Variants in SOX9 observed in about 807,000 individuals in gnomAD.
SOX9 encodes the protein SRY-box transcription factor 9.
Under a neutral mutation model 44.8 loss-of-function variants are expected in SOX9, and 2 were observed. The observed-to-expected ratio is 0.04, with a 90% CI of 0.02 to 0.14. The LOEUF is 0.14. Among genes scored for constraint, SOX9 ranks in the 10% least tolerant of loss-of-function variants. The pLI is 1.00. For synonymous variants in SOX9, 381 were observed against 331.8 expected (o/e 1.15, Z -1.61); for missense variants, 583 against 728.6 (o/e 0.80, Z 2.30).
chr17:72,126,155 T>C lies in SOX9; in HGVS notation c.*1768T>C. On this transcript the variant is annotated 3_prime_UTR_variant, in exon 3 of 3. Transcript: ENST00000245479. Reference sequence around the variant, plus strand: ...TCAGTAGAATAAAATCTTAAAGCACTCATAATATGGCATCCTTCAATTTCT... The same window carrying C: ...TCAGTAGAATAAAATCTTAAAGCACCCATAATATGGCATCCTTCAATTTCT... 4.3e-6 allele frequency: 1 copy of C among 232,518 alleles called. No homozygotes were observed. 14.4% of individuals were successfully genotyped at this position (232,518 alleles called of 1,614,324 possible).
In SOX9 at chr17:72,121,379, C is replaced by G; in HGVS notation, c.-13C>G. 1 of 1,611,606 alleles carries G rather than the reference C, an allele frequency of 6.2e-7. No individual in the cohort carries two copies. Among genetic ancestry groups the G allele is most frequent in the Non-Finnish European group, 8.5e-7 (1 of 1,179,318 alleles). ...CCTTTCCCGGCCACCAGCCCCCTGCCCCGGGCCCGCGTATGAATCTCCTGG... is the reference window on the plus strand; with the variant it reads ...CCTTTCCCGGCCACCAGCCCCCTGCGCCGGGCCCGCGTATGAATCTCCTGG... On this transcript the variant is annotated 5_prime_UTR_variant, in exon 1 of 3. Coordinates refer to ENST00000245479, the MANE Select transcript of SOX9 (RefSeq NM_000346.4). The surrounding 1 kb of genome is among the most constrained non-coding windows in gnomAD (Gnocchi z 8.3).
rs1457776748 is a variant in SOX9 at position 72,122,848 on chromosome 17, G to A, written c.561G>A (p.Ala187=). The change falls in exon 2 of 3, where the codon GCG becomes GCA. Residue 187 remains alanine (A), a synonymous_variant. Coordinates refer to ENST00000245479, the MANE Select transcript of SOX9 (RefSeq NM_000346.4). The stretch of plus-strand genomic sequence containing the variant: ...GGAAGTCGGTGAAGAACGGGCAGGC[G>A]GAGGCAGAGGAGGCCACGGAGCAGA... ...RRRKSVKNGQ[A]EAEEATEQTH... The A allele has an allele frequency of 6.2e-7, 1 of 1,614,034 alleles. No homozygotes were observed. Among genetic ancestry groups the A allele is most frequent in the Non-Finnish European group, 8.5e-7 (1 of 1,180,032 alleles).
At position 72,126,098 on chromosome 17, in the gene SOX9, T is replaced by C. The variant is rs1908276173; in HGVS notation, c.*1711T>C. 8.6e-6 allele frequency: 2 copies of C among 231,950 alleles called. No individual in the cohort carries two copies. Among genetic ancestry groups the C allele is most frequent in the African/African-American group, 4.4e-5 (2 of 45,236 alleles). 14.4% of individuals were successfully genotyped at this position (231,950 alleles called of 1,614,324 possible). A position where few individuals can be genotyped will look rare whatever the true frequency, so the allele number is the denominator to read the frequency against. On this transcript the variant is annotated 3_prime_UTR_variant, in exon 3 of 3. Transcript: ENST00000245479. ...AAAAGACAGCAAACTTTTTTTTTTA[T>C]TTAAAAAAAGATATATTAACAGTTT...
rs1239081611 is a variant in SOX9 at position 72,124,492 on chromosome 17, T to C, written c.*105T>C. 10 of 1,420,248 alleles carry C rather than the reference T, an allele frequency of 7.0e-6. No individual in the cohort carries two copies. Among genetic ancestry groups the C allele is most frequent in the Non-Finnish European group, 9.8e-6 (10 of 1,024,930 alleles). 88.0% of individuals were successfully genotyped at this position (1,420,248 alleles called of 1,614,324 possible). ...CTTTGGACATTTGTGTTTTTTTGTT[T>C]TTTTATTTTGTTTTGTTTTTTCTTC... On this transcript the variant is annotated 3_prime_UTR_variant, in exon 3 of 3. Transcript: ENST00000245479. The surrounding 1 kb of genome is among the most constrained non-coding windows in gnomAD (Gnocchi z 4.6).
rs1347071167 is a variant in SOX9 at position 72,123,766 on chromosome 17, C to T, written c.909C>T (p.His303=). Residue 303 remains histidine (H), a synonymous_variant, in exon 3 of 3, where the codon CAC becomes CAT. Coordinates refer to ENST00000245479, the MANE Select transcript of SOX9 (RefSeq NM_000346.4). This position sits in a 1 kb window ranked among gnomAD's most constrained non-coding sequence, Gnocchi z 6.5. ...ACCAGTACCTGCCGCCCAACGGCCA[C>T]CCGGGGGTGCCGGCCACGCACGGCC... ...EFDQYLPPNG[H]PGVPATHGQV... The T allele has an allele frequency of 6.2e-7, 1 of 1,613,394 alleles. No homozygotes were observed. Among genetic ancestry groups the T allele is most frequent in the Admixed American group, 1.7e-5 (1 of 60,026 alleles).
rs1250110377 is a variant in SOX9 at position 72,123,169 on chromosome 17, C to T, written c.685+197C>T. Among the ~76,000 whole-genome samples the T allele has an allele frequency of 1.3e-5, 2 of 152,210 alleles. No individual in the cohort carries two copies. Among genetic ancestry groups the T allele is most frequent in the Admixed American group, 1.3e-4 (2 of 15,284 alleles). On this transcript the variant is annotated intron_variant, in intron 2 of 2. Transcript: ENST00000245479. The surrounding 1 kb of genome is among the most constrained non-coding windows in gnomAD (Gnocchi z 6.5). ...CAACACACACACAAACACACACACCCCAACTCAATCCCAGCATCCGAAGAG... is the reference window on the plus strand; with the variant it reads ...CAACACACACACAAACACACACACCTCAACTCAATCCCAGCATCCGAAGAG...
At chr17:72,122,055 G>T (rs557393988) in intron 1 of SOX9, among the ~76,000 whole-genome samples, 1 of 152,234 alleles carries the variant, frequency 6.6e-6, no homozygotes, top group Admixed American at 6.5e-5. Context: ...AGAGGTGAGG[G>T]AGGTAGCTGG....
At position 72,121,242 on chromosome 17, in the gene SOX9, C is replaced by T; in HGVS notation, c.-150C>T. 1 of 707,926 alleles carries T rather than the reference C, an allele frequency of 1.4e-6. No individual in the cohort carries two copies. Among genetic ancestry groups the T allele is most frequent in the Non-Finnish European group, 2.4e-6 (1 of 421,558 alleles). The allele number at this position is 707,926 out of a possible 1,614,324, so 43.9% of individuals were successfully genotyped here. A position where few individuals can be genotyped will look rare whatever the true frequency, so the allele number is the denominator to read the frequency against. Reference sequence around the variant, plus strand: ...CACCCCGCGCCTTCCTAAGTGCTCGCCGCGGTAGCCGGCCGACGCGCCAGC... The same window carrying T: ...CACCCCGCGCCTTCCTAAGTGCTCGTCGCGGTAGCCGGCCGACGCGCCAGC... On this transcript the variant is annotated 5_prime_UTR_variant, in exon 1 of 3. Coordinates refer to ENST00000245479, the MANE Select transcript of SOX9 (RefSeq NM_000346.4). The surrounding 1 kb of genome is among the most constrained non-coding windows in gnomAD (Gnocchi z 8.3).
chr17:72,123,098 G>T lies in SOX9; in HGVS notation c.685+126G>T. 1.7e-6 allele frequency: 2 copies of T among 1,198,360 alleles called. No individual in the cohort carries two copies. Among genetic ancestry groups the T allele is most frequent in the Non-Finnish European group, 2.4e-6 (2 of 844,348 alleles). The allele number at this position is 1,198,360 out of a possible 1,614,324, so 74.2% of individuals were successfully genotyped here. On this transcript the variant is annotated intron_variant, in intron 2 of 2. Transcript: ENST00000245479. The surrounding 1 kb of genome is among the most constrained non-coding windows in gnomAD (Gnocchi z 6.5). ...CCGGGAGGGACACACTGCCCTTTGC[G>T]CCCGTCCCGCTCCCCTCTCTACCCA...
In SOX9 at chr17:72,123,838, C is replaced by T. The variant is rs1211473580; in HGVS notation, c.981C>T (p.Thr327=). ...GSYGISSTAA[T]PASAGHVWMS... Reference sequence around the variant, plus strand: ...ACGGCATCAGCAGCACCGCGGCCACCCCGGCGAGCGCGGGCCACGTGTGGA... The same window carrying T: ...ACGGCATCAGCAGCACCGCGGCCACTCCGGCGAGCGCGGGCCACGTGTGGA... Residue 327 remains threonine, a synonymous_variant, in exon 3 of 3, where the codon ACC becomes ACT. Transcript: ENST00000245479. The surrounding 1 kb of genome is among the most constrained non-coding windows in gnomAD (Gnocchi z 6.5). 4 of 1,603,258 alleles carry T rather than the reference C, an allele frequency of 2.5e-6. No homozygotes were observed. Among genetic ancestry groups the T allele is most frequent in the Non-Finnish European group, 3.4e-6 (4 of 1,175,838 alleles).
chr17:72,124,747 T>A lies in SOX9; in HGVS notation c.*360T>A, dbSNP rs1381521115. The A allele has an allele frequency of 1.2e-5, 5 of 430,490 alleles. No homozygotes were observed. The highest frequency in any genetic ancestry group is 2.1e-5 in the Non-Finnish European group (5 of 233,686). 26.7% of individuals were successfully genotyped at this position (430,490 alleles called of 1,614,324 possible). ...GTGTGATCAGTGTGCTAAATCTCTC[T>A]GCCTGTTTGGACTTTGTAATTATTT... is the stretch of plus-strand genomic sequence containing the variant. On this transcript the variant is annotated 3_prime_UTR_variant, in exon 3 of 3. Transcript: ENST00000245479. This position sits in a 1 kb window ranked among gnomAD's most constrained non-coding sequence, Gnocchi z 4.6.
chr17:72,122,055 G>A (rs557393988), intron 1 of SOX9, among the ~76,000 whole-genome samples: 19 of 152,352 alleles, frequency 1.2e-4, no homozygotes, highest in African/African-American at 4.6e-4. Flanking sequence ...AGAGGTGAGG[G>A]AGGTAGCTGG....
chr17:72,121,453 C>T lies in SOX9; in HGVS notation c.62C>T (p.Ala21Val). 6.2e-7 allele frequency: 1 copy of T among 1,612,638 alleles called. No individual in the cohort carries two copies. The highest frequency in any genetic ancestry group is 1.3e-5 in the African/African-American group (1 of 75,034). ...TDEQEKGLSG[A>V]PSPTMSEDSA... is the part of the protein sequence containing the mutation. ...GAGCAGGAGAAGGGCCTGTCCGGCG[C>T]CCCCAGCCCCACCATGTCCGAGGAC... is the stretch of plus-strand genomic sequence containing the variant. Residue 21 changes from alanine (A) to valine (V), a missense_variant, in exon 1 of 3, where the codon GCC (alanine) becomes GTC (valine). By Grantham distance (64) the Ala-to-Val change is moderately conservative. This residue lies in a region of SOX9 where 101 missense variants were observed against 98.6 expected (regional missense o/e 1.02). Coordinates refer to ENST00000245479, the MANE Select transcript of SOX9 (RefSeq NM_000346.4). This position sits in a 1 kb window ranked among gnomAD's most constrained non-coding sequence, Gnocchi z 8.3.
rs11448561 is a variant in SOX9 at position 72,126,364 on chromosome 17, CT to C, written c.*1989del. 0.35 allele frequency: 73,629 copies of C among 209,256 alleles called. 9,755 individuals carry two copies. The highest frequency in any genetic ancestry group is 0.49 in the East Asian group (6,934 of 14,254). The allele number at this position is 209,256 out of a possible 1,614,324, so 13.0% of individuals were successfully genotyped here. A position where few individuals can be genotyped will look rare whatever the true frequency, so the allele number is the denominator to read the frequency against. On this transcript the variant is annotated 3_prime_UTR_variant, in exon 3 of 3. Coordinates refer to ENST00000245479, the MANE Select transcript of SOX9 (RefSeq NM_000346.4). ...AACTTACCTTTCCCTTTTTCTTTCT[CT>C]TTTTTTTTTTTGTATATTATTGTTT...
chr17:72,124,936 G>T lies in SOX9; in HGVS notation c.*549G>T. The T allele has an allele frequency of 4.2e-6, 1 of 235,460 alleles. No homozygotes were observed. Among genetic ancestry groups the T allele is most frequent in the South Asian group, 1.4e-4 (1 of 7,364 alleles). 14.6% of individuals were successfully genotyped at this position (235,460 alleles called of 1,614,324 possible). The stretch of plus-strand genomic sequence containing the variant: ...TTTTCCAACAGCTAAACTACTCTTA[G>T]TTGAACAGTGTGCCCTAGCTTTTCT... On this transcript the variant is annotated 3_prime_UTR_variant, in exon 3 of 3. Transcript: ENST00000245479. The surrounding 1 kb of genome is among the most constrained non-coding windows in gnomAD (Gnocchi z 4.6).
chr17:72,125,902 T>TGTGTGTGG lies in SOX9; in HGVS notation c.*1523_*1530dup, dbSNP rs1164290735. ...CCTTTGGGCTGCCTTATATTGTGTG[T>TGTGTGTGG]GTGTGTGGGTGTGTGTGTGTTTTGA... is the stretch of plus-strand genomic sequence containing the variant. On this transcript the variant is annotated 3_prime_UTR_variant, in exon 3 of 3. Transcript: ENST00000245479. 2.2e-5 allele frequency: 5 copies of TGTGTGTGG among 232,528 alleles called. No individual in the cohort carries two copies. Among genetic ancestry groups the TGTGTGTGG allele is most frequent in the Non-Finnish European group, 3.4e-5 (4 of 117,460 alleles). The allele number at this position is 232,528 out of a possible 1,614,324, so 14.4% of individuals were successfully genotyped here. A position where few individuals can be genotyped will look rare whatever the true frequency, so the allele number is the denominator to read the frequency against.
intron 2 of SOX9, 27 bp downstream of exon 2, chr17:72,122,999 C>G (rs1366160524): frequency 5.0e-6 from 8 of 1,609,044 alleles, no homozygotes; most frequent in Middle Eastern, 1.6e-4. Context: ...CCCCACCGGA[C>G]AAGCTATCTC....
rs1029100735 is a variant in SOX9, at chr17:72,121,950, G to A, written c.431+128G>A. The A allele has an allele frequency of 2.0e-5, 23 of 1,162,270 alleles. No individual in the cohort carries two copies. In the East Asian group the frequency reaches 2.8e-4, roughly 14 times the overall value. The allele number at this position is 1,162,270 out of a possible 1,614,324, so 72.0% of individuals were successfully genotyped here. A position where few individuals can be genotyped will look rare whatever the true frequency, so the allele number is the denominator to read the frequency against. On this transcript the variant is annotated intron_variant, in intron 1 of 2. Transcript: ENST00000245479. This position sits in a 1 kb window ranked among gnomAD's most constrained non-coding sequence, Gnocchi z 8.3. ...GCCGTTCCGGGAGCCGGCGGGATGG[G>A]GTTGGGAGTGGGAATGGGGTGTAAC...
rs1450155959 is a variant in SOX9, at chr17:72,125,503, T to A, written c.*1116T>A. 9.0e-6 allele frequency: 2 copies of A among 222,012 alleles called. No individual in the cohort carries two copies. The highest frequency in any genetic ancestry group is 1.8e-5 in the Non-Finnish European group (2 of 111,352). 13.8% of individuals were successfully genotyped at this position (222,012 alleles called of 1,614,324 possible). A position where few individuals can be genotyped will look rare whatever the true frequency, so the allele number is the denominator to read the frequency against. On this transcript the variant is annotated 3_prime_UTR_variant, in exon 3 of 3. Transcript: ENST00000245479. Reference sequence around the variant, plus strand: ...TTAACCTTCAAGACATTCCACTTGCTAAAATTATTTATTTTGTAAGGAGAG... The same window carrying A: ...TTAACCTTCAAGACATTCCACTTGCAAAAATTATTTATTTTGTAAGGAGAG...
Sources: gnomAD v4.1 joint callset for allele counts (sites outside exome capture counted in the v4.1 genomes callset) on GRCh38, gnomAD v4.1.1 for gene constraint, gnomAD v4.1.1 regional missense constraint, Gnocchi (gnomAD v3.1) non-coding constraint, MANE v1.5 for transcripts, NCBI Gene and HGNC (gene_info 2026-07-23, HGNC 2026-07-21) for gene names.